PIPOX: variants seen among roughly 807,000 people sequenced by gnomAD.
PIPOX encodes the protein peroxisomal sarcosine oxidase.
In PIPOX, 45 loss-of-function variants were observed where a neutral mutation model predicts 47.9. That is an observed-to-expected ratio of 0.94 (90% CI 0.74 to 1.20). The LOEUF (loss-of-function observed/expected upper bound fraction) is 1.20, where lower values mean the gene tolerates loss of function less well. Among genes scored for constraint, PIPOX ranks in the 50% most tolerant of loss-of-function variants. The pLI is 0.00. For synonymous variants in PIPOX, 165 were observed against 191.3 expected (o/e 0.86, Z 1.13); for missense variants, 458 against 498.4 (o/e 0.92, Z 0.77).
chr17:29,054,786 G>C, intron 5 of PIPOX, 95 bp downstream of exon 5: 1 of 1,410,062 alleles, frequency 7.1e-7, no homozygotes, highest in South Asian at 1.3e-5. Flanking sequence ...TTGGGTCTCG[G>C]GGCCAGCAGC....
Position 29,044,868 on chromosome 17 carries a change from C to G in PIPOX, c.124C>G (p.Pro42Ala), listed in dbSNP as rs571820024. The G allele has an allele frequency of 6.2e-7, 1 of 1,611,608 alleles. No homozygotes were observed. The highest frequency in any genetic ancestry group is 8.5e-7 in the Non-Finnish European group (1 of 1,178,956). The change falls in exon 2 of 8, where the codon CCA becomes GCA. Residue 42 changes from proline (P) to alanine (A), a missense_variant. Coordinates refer to ENST00000323372, the MANE Select transcript of PIPOX (RefSeq NM_016518.3). The part of the protein sequence containing the change: ...RILLLEQFFL[P>A]HSRGSSHGQS... ...TGTTTTCCACTTCCAGTTCTTTCTACCACACTCCCGAGGAAGCTCCCATGG... is the reference window on the plus strand; with the variant it reads ...TGTTTTCCACTTCCAGTTCTTTCTAGCACACTCCCGAGGAAGCTCCCATGG...
chr17:29,050,322 C>T (rs1002986322), intron 2 of PIPOX, among the ~76,000 whole-genome samples: 4 of 152,174 alleles, frequency 2.6e-5, no homozygotes, highest in Non-Finnish European at 5.9e-5. Context: ...TCCCAGAATC[C>T]CTCCCAGCCA....
chr17:29,056,175 G>A lies in PIPOX; in HGVS notation c.1043G>A (p.Gly348Glu), dbSNP rs2065827345. Residue 348 changes from glycine (G) to glutamate (E), a missense_variant and splice_region_variant, in exon 8 of 8, where the codon GGG becomes GAG. Transcript: ENST00000323372. ...TGAGAGTCTGCTCTTCCCTTCCTAG[G>A]GCACGGGTTCAAGCTGGCCCCTGTG... ...DNIVIGAGFSGHGFKLAPVVG... is the reference protein window; with the variant it reads ...DNIVIGAGFSEHGFKLAPVVG... 1.9e-6 allele frequency: 3 copies of A among 1,614,010 alleles called. No homozygotes were observed. Among genetic ancestry groups the A allele is most frequent in the Non-Finnish European group, 1.7e-6 (2 of 1,180,022 alleles).
intron 5 of PIPOX, 33 bp from the exon 6 acceptor site, chr17:29,055,030 C>A: frequency 6.2e-7 from 1 of 1,613,582 alleles, no homozygotes; most frequent in Non-Finnish European, 8.5e-7. Flanking sequence ...AAGGCCAGCC[C>A]TCACCACTCA....
intron 2 of PIPOX, among the ~76,000 whole-genome samples, chr17:29,051,408 C>T (rs928522086): frequency 5.3e-5 from 8 of 152,150 alleles, no homozygotes; most frequent in Admixed American, 3.9e-4. Flanking sequence ...TCTCTTTAAT[C>T]CCCCCAACCA....
chr17:29,056,052 G>A lies in PIPOX; in HGVS notation c.1043-123G>A, dbSNP rs986334002. 50 of 1,357,848 alleles carry A rather than the reference G, an allele frequency of 3.7e-5. No homozygotes were observed. The Middle Eastern group carries it at 1.2e-3, about 33-fold the overall frequency. 84.1% of individuals were successfully genotyped at this position (1,357,848 alleles called of 1,614,324 possible). A position where few individuals can be genotyped will look rare whatever the true frequency, so the allele number is the denominator to read the frequency against. ...AGAAAAGGGGTATTCATGGTGGGAG[G>A]CCACTTCTGGCTTTGGGATGTGACC... On this transcript the variant is annotated intron_variant, in intron 7 of 7. Coordinates refer to ENST00000323372, the MANE Select transcript of PIPOX (RefSeq NM_016518.3).
In PIPOX at chr17:29,046,568, C is replaced by T. The variant is rs1444577680; in HGVS notation, c.263+1561C>T. The T allele has an allele frequency of 2.2e-5, 22 of 984,726 alleles. No homozygotes were observed. The Admixed American group carries it at 1.4e-3, about 61-fold the overall frequency. 61.0% of individuals were successfully genotyped at this position (984,726 alleles called of 1,614,324 possible). A position where few individuals can be genotyped will look rare whatever the true frequency, so the allele number is the denominator to read the frequency against. ...TAGCACCTTTCAATAAGGGGCAGTC[C>T]CTTATTGACCCATTCTGGGTCAGCT... On this transcript the variant is annotated intron_variant, in intron 2 of 7. Coordinates refer to ENST00000323372, the MANE Select transcript of PIPOX (RefSeq NM_016518.3).
At chr17:29,051,291 G>A (rs1275248936) in intron 2 of PIPOX, among the ~76,000 whole-genome samples, 1 of 152,214 alleles carries the variant, frequency 6.6e-6, no homozygotes, top group African/African-American at 2.4e-5. Context: ...CGCTGGTGGT[G>A]AATGCTGGGT....
intron 2 of PIPOX, among the ~76,000 whole-genome samples, chr17:29,047,720 A>G (rs2152698317): frequency 6.6e-6 from 1 of 152,298 alleles, no homozygotes; most frequent in East Asian, 1.9e-4. Context: ...AAAATTTAAA[A>G]ACCATCTTGG....
chr17:29,050,274 A>C (rs1598237717), intron 2 of PIPOX, among the ~76,000 whole-genome samples: 1 of 152,348 alleles, frequency 6.6e-6, no homozygotes, highest in East Asian at 1.9e-4. Context: ...CAGGGATTTC[A>C]CATTACATCT....
rs1339513199 is a variant in PIPOX at position 29,043,295 on chromosome 17, T to C, written c.70T>C (p.Tyr24His). 1.9e-6 allele frequency: 3 copies of C among 1,613,756 alleles called. No homozygotes were observed. The highest frequency in any genetic ancestry group is 8.5e-7 in the Non-Finnish European group (1 of 1,179,844). The change falls in exon 1 of 8, where the codon TAC (tyrosine) becomes CAC (histidine). Residue 24 changes from tyrosine to histidine, a missense_variant. Tyr to His is a moderately conservative substitution (Grantham distance 83). Transcript: ENST00000323372. ...GGGGATCCAGGGCTGCTTCACTGCATACCACCTGGCCAAACACAGGAAGAG... is the reference window on the plus strand; with the variant it reads ...GGGGATCCAGGGCTGCTTCACTGCACACCACCTGGCCAAACACAGGAAGAG... Reference protein sequence around the residue: ...GAGIQGCFTAYHLAKHRKRIL... With the variant: ...GAGIQGCFTAHHLAKHRKRIL...
In PIPOX at chr17:29,043,193, T is replaced by G; in HGVS notation, c.-33T>G. ...GCCTGTCTTTGCTTGCCTTTGCCTT[T>G]GAGGCTCTGTGGCTGTGGGGCTGAG... On this transcript the variant is annotated 5_prime_UTR_variant, in exon 1 of 8. Transcript: ENST00000323372. 1.4e-5 allele frequency: 21 copies of G among 1,543,544 alleles called. No homozygotes were observed. The highest frequency in any genetic ancestry group is 1.8e-5 in the Non-Finnish European group (20 of 1,120,208).
chr17:29,055,817 C>T lies in PIPOX; in HGVS notation c.971C>T (p.Thr324Ile). 2 of 1,613,300 alleles carry T rather than the reference C, an allele frequency of 1.2e-6. No homozygotes were observed. Among genetic ancestry groups the T allele is most frequent in the South Asian group, 2.2e-5 (2 of 91,062 alleles). The part of the protein sequence containing the change: ...AVIESCMYTN[T>I]PDEQFILDRH... ...GGTGTGACTGTTTCTTTCTAGAATA[C>T]CCCTGATGAGCAGTTCATTCTCGAT... is the stretch of plus-strand genomic sequence containing the variant. The change falls in exon 7 of 8, where the codon ACC (threonine) becomes ATC (isoleucine). Residue 324 changes from threonine (T) to isoleucine (I), a missense_variant. By Grantham distance (89) the Thr-to-Ile change is moderately conservative. Transcript: ENST00000323372.
Position 29,055,189 on chromosome 17 carries a change from G to A in PIPOX, c.934G>A (p.Glu312Lys), listed in dbSNP as rs776566383. Residue 312 changes from glutamate (E) to lysine (K), a missense_variant, in exon 6 of 8, where the codon GAG becomes AAG. Glu to Lys is a moderately conservative substitution (Grantham distance 56, BLOSUM62 1). Coordinates refer to ENST00000323372, the MANE Select transcript of PIPOX (RefSeq NM_016518.3). ...AGATCACTTACCTGATCTGAAGCCC[G>A]AGCCTGCTGTCATTGAGAGCTGCAT... ...VRDHLPDLKP[E>K]PAVIESCMYT... 5.0e-6 allele frequency: 8 copies of A among 1,614,180 alleles called. No homozygotes were observed. The highest frequency in any genetic ancestry group is 1.7e-5 in the Admixed American group (1 of 60,024).
intron 5 of PIPOX, 125 bp from the exon 6 acceptor site, chr17:29,054,938 C>T: frequency 1.5e-6 from 2 of 1,335,460 alleles, no homozygotes; most frequent in South Asian, 1.3e-5. Flanking sequence ...GCCCACAGCA[C>T]CTGCCAGGAG....
rs543544094 is a variant in PIPOX, at chr17:29,044,712, C to T, written c.115-147C>T. The T allele has an allele frequency of 1.0e-5, 8 of 789,942 alleles. No individual in the cohort carries two copies. In the South Asian group the frequency reaches 1.8e-4, roughly 18 times the overall value. The allele number at this position is 789,942 out of a possible 1,614,324, so 48.9% of individuals were successfully genotyped here. ...TGAATTCCTGGGCTCAAATTATCTT[C>T]CTGTGCATAATCCTTCCCCAGATTG... On this transcript the variant is annotated intron_variant, in intron 1 of 7. Transcript: ENST00000323372.
At chr17:29,051,950 T>G (rs559263186) in intron 2 of PIPOX, 1 of 470,812 alleles carries the variant, frequency 2.1e-6, no homozygotes, top group Admixed American at 2.3e-5. Flanking sequence ...GGTACCACCC[T>G]GGTGTGGAAC....
At chr17:29,055,039 C>G in intron 5 of PIPOX, 24 bp from the exon 6 acceptor site, 1 of 1,613,934 alleles carries the variant, frequency 6.2e-7, no homozygotes, top group Middle Eastern at 1.7e-4. Context: ...CCTCACCACT[C>G]ATGCCACTCT....
At chr17:29,056,149 C>T in intron 7 of PIPOX, 26 bp from the exon 8 acceptor site, 1 of 1,613,692 alleles carries the variant, frequency 6.2e-7, no homozygotes, top group Non-Finnish European at 8.5e-7. Flanking sequence ...GTGAAGCTGC[C>T]TGAGAGTCTG....
Sources: gnomAD v4.1 joint callset for allele counts (sites outside exome capture counted in the v4.1 genomes callset) on GRCh38, gnomAD v4.1.1 for gene constraint, MANE v1.5 for transcripts, NCBI Gene and HGNC (gene_info 2026-07-23, HGNC 2026-07-21) for gene names.